The following WWC2 variants were observed in gnomAD, a reference collection of about 807,000 sequenced individuals.
The protein encoded by WWC2 is protein WWC2.
In WWC2, 101 loss-of-function variants were observed where a neutral mutation model predicts 138.5. That is an observed-to-expected ratio of 0.73 (90% CI 0.62 to 0.86). The LOEUF (loss-of-function observed/expected upper bound fraction) is 0.86, where lower values mean the gene tolerates loss of function less well. WWC2 is among the 40% of genes least tolerant of loss of function. WWC2 has a pLI of 0.00. For missense variants in WWC2, 1,420 were observed against 1,419.4 expected (o/e 1.00, Z -0.01); for synonymous variants, 558 against 538.4 (o/e 1.04, Z -0.50).
At chr4:183,314,461 A>G (rs1739367335) in intron 22 of WWC2, among the ~76,000 whole-genome samples, 1 of 152,232 alleles carries the variant, frequency 6.6e-6, no homozygotes, top group Non-Finnish European at 1.5e-5. Context: ...AGGGTGAGAC[A>G]GAACATGCTG....
chr4:183,243,786 T>C lies in WWC2; in HGVS notation c.603-1630T>C, dbSNP rs187068941. On this transcript the variant is annotated intron_variant, in intron 5 of 22. Coordinates refer to ENST00000403733, the MANE Select transcript of WWC2 (RefSeq NM_024949.6). ...GTGTGTGTGTGTGTGTGTGTGTGTG[T>C]GTGTGCATGTGTTTAATCTGTGACT... Among the ~76,000 whole-genome samples the C allele has an allele frequency of 8.9e-3, 1,300 of 146,454 alleles. 21 individuals are homozygous for C. The highest frequency in any genetic ancestry group is 0.031 in the African/African-American group (1,219 of 39,908).
chr4:183,226,799 CCTT>C (rs992733571), intron 4 of WWC2, among the ~76,000 whole-genome samples: 5 of 151,952 alleles, frequency 3.3e-5, no homozygotes, highest in Admixed American at 2.6e-4. Context: ...CTGTATGTCT[CCTT>C]CTAGTGATAA....
chr4:183,173,432 T>C (rs1284286831), intron 1 of WWC2, among the ~76,000 whole-genome samples: 1 of 152,154 alleles, frequency 6.6e-6, no homozygotes, highest in East Asian at 1.9e-4. Flanking sequence ...TCTGAAGAAA[T>C]GAATTCTTCA....
chr4:183,165,364 G>T (rs1376980380), intron 1 of WWC2, among the ~76,000 whole-genome samples: 1 of 152,102 alleles, frequency 6.6e-6, no homozygotes, highest in Non-Finnish European at 1.5e-5. Flanking sequence ...AGCATCTTTG[G>T]CCTCTATGAC....
chr4:183,118,120 T>A (rs1732483259), intron 1 of WWC2, among the ~76,000 whole-genome samples: 1 of 152,196 alleles, frequency 6.6e-6, no homozygotes, highest in African/African-American at 2.4e-5. Flanking sequence ...TTTTTTTACC[T>A]CTACTCTTAT....
intron 6 of WWC2, among the ~76,000 whole-genome samples, chr4:183,246,178 C>T (rs1736774745): frequency 6.6e-6 from 1 of 152,142 alleles, no homozygotes; most frequent in Non-Finnish European, 1.5e-5. Context: ...CACAAAATAG[C>T]CGTTAAGTGA....
intron 4 of WWC2, among the ~76,000 whole-genome samples, chr4:183,215,647 C>A (rs561327579): frequency 4.0e-4 from 61 of 152,156 alleles, no homozygotes; most frequent in African/African-American, 1.4e-3. Context: ...TGTTTTATTT[C>A]TCTCACTCTC....
intron 4 of WWC2, among the ~76,000 whole-genome samples, chr4:183,228,560 A>C (rs1736141094): frequency 1.3e-5 from 2 of 152,146 alleles, no homozygotes; most frequent in Admixed American, 1.3e-4. Context: ...ATATATTTCA[A>C]AGTATTGGTT....
chr4:183,169,335 A>G (rs1190807594), intron 1 of WWC2, among the ~76,000 whole-genome samples: 1 of 152,224 alleles, frequency 6.6e-6, no homozygotes, highest in Non-Finnish European at 1.5e-5. Flanking sequence ...GGACTGACTG[A>G]CAAGTACGCT....
At chr4:183,170,460 C>T (rs971757703) in intron 1 of WWC2, among the ~76,000 whole-genome samples, 3 of 152,150 alleles carry the variant, frequency 2.0e-5, no homozygotes, top group South Asian at 2.1e-4. Flanking sequence ...GGTACGTGGA[C>T]GGTGGGTGGG....
At chr4:183,112,525 G>GTC (rs1215487514) in intron 1 of WWC2, among the ~76,000 whole-genome samples, 1 of 152,162 alleles carries the variant, frequency 6.6e-6, no homozygotes, top group Non-Finnish European at 1.5e-5. Context: ...TCACCACCTA[G>GTC]TCATTCACTC....
chr4:183,150,323 A>G (rs1239093629), intron 1 of WWC2, among the ~76,000 whole-genome samples: 25 of 152,168 alleles, frequency 1.6e-4, no homozygotes, highest in Admixed American at 1.6e-3. Context: ...ATAGGTGAAG[A>G]GATTTCCATC....
intron 4 of WWC2, among the ~76,000 whole-genome samples, chr4:183,218,342 T>C (rs1735813926): frequency 6.6e-6 from 1 of 151,796 alleles, no homozygotes; most frequent in African/African-American, 2.4e-5. Context: ...GGAAAGCTAT[T>C]ACTTAAAAAA....
chr4:183,109,320 A>G (rs1460481695), intron 1 of WWC2, among the ~76,000 whole-genome samples: 2 of 152,218 alleles, frequency 1.3e-5, no homozygotes, highest in African/African-American at 2.4e-5. Flanking sequence ...ATTTTATAGC[A>G]ATATTTTTAA....
intron 1 of WWC2, among the ~76,000 whole-genome samples, chr4:183,168,585 G>A (rs1471844920): frequency 6.6e-6 from 1 of 152,086 alleles, no homozygotes; most frequent in Non-Finnish European, 1.5e-5. Context: ...CTTTATTTTG[G>A]AGACTCCATT....
intron 1 of WWC2, among the ~76,000 whole-genome samples, chr4:183,180,928 A>G (rs960213372): frequency 1.3e-5 from 2 of 152,212 alleles, no homozygotes; most frequent in African/African-American, 4.8e-5. Flanking sequence ...TGCATAAAAT[A>G]TATGTACATA....
At position 183,130,471 on chromosome 4, in the gene WWC2, G is replaced by A. The variant is rs191761081; in HGVS notation, c.131+30849G>A. On this transcript the variant is annotated intron_variant, in intron 1 of 22. Transcript: ENST00000403733. Reference sequence around the variant, plus strand: ...TTAAAGGGATGCAAACTTTGGATGTGTTCAGTTTGTACTGTGAGTGCTGTG... The same window carrying A: ...TTAAAGGGATGCAAACTTTGGATGTATTCAGTTTGTACTGTGAGTGCTGTG... Among the ~76,000 whole-genome samples, 4 of 152,340 alleles carry A rather than the reference G, an allele frequency of 2.6e-5. No individual in the cohort carries two copies. In the East Asian group the frequency reaches 7.7e-4, roughly 29 times the overall value.
intron 2 of WWC2, among the ~76,000 whole-genome samples, chr4:183,196,293 A>C (rs1735140438): frequency 6.6e-6 from 1 of 152,208 alleles, no homozygotes; most frequent in Non-Finnish European, 1.5e-5. Context: ...TATCAAATCC[A>C]AACAACACTG....
chr4:183,282,634 C>A, intron 17 of WWC2, 74 bp from the exon 18 acceptor site: 2 of 1,421,292 alleles, frequency 1.4e-6, no homozygotes, highest in Non-Finnish European at 9.7e-7. Context: ...CAGATAACAA[C>A]TTAGCATGCC....
Sources: allele counts gnomAD v4.1 joint callset (sites outside exome capture counted in the v4.1 genomes callset), GRCh38; gene constraint gnomAD v4.1.1; transcripts MANE v1.5; gene names NCBI Gene and HGNC (gene_info 2026-07-23, HGNC 2026-07-21).